Variants in CSMD1 observed in about 807,000 individuals in gnomAD.
CSMD1 encodes the protein CUB and sushi domain-containing protein 1.
Under a neutral mutation model 417.5 loss-of-function variants are expected in CSMD1, and 213 were observed. That is an observed-to-expected ratio of 0.51 (90% CI 0.46 to 0.57). The LOEUF (loss-of-function observed/expected upper bound fraction) is 0.57. CSMD1 is among the 20% of genes least tolerant of loss of function. CSMD1 has a pLI of 0.00. For synonymous variants in CSMD1, 2,862 were observed against 1,736.8 expected, an observed-to-expected ratio of 1.65 and a Z score of -16.11; for missense variants, 6,923 against 4,529.7, an observed-to-expected ratio of 1.53 and a Z score of -15.17.
chr8:3,709,709 T>TTTTTTTTTTTTTTTTTTTTTG (rs1554518391), intron 6 of CSMD1, among the ~76,000 whole-genome samples: 1 of 129,510 alleles, frequency 7.7e-6, no homozygotes, highest in Non-Finnish European at 1.6e-5. Context: ...TTTTTTTTTT[T>TTTTTTTTTTTTTTTTTTTTTG]CCCTGCTTTC....
At chr8:3,019,214 C>G (rs770192905) in intron 51 of CSMD1, among the ~76,000 whole-genome samples, 1 of 152,062 alleles carries the variant, frequency 6.6e-6, no homozygotes, top group Non-Finnish European at 1.5e-5. Context: ...CACTGTGCCT[C>G]GACCCATTAA....
At chr8:4,348,418 G>T (rs940431600) in intron 3 of CSMD1, among the ~76,000 whole-genome samples, 1 of 151,976 alleles carries the variant, frequency 6.6e-6, no homozygotes. Context: ...AAGTGATTCT[G>T]TATTTTTAAA....
At chr8:4,800,615 G>A (rs960422858) in intron 1 of CSMD1, among the ~76,000 whole-genome samples, 10 of 152,354 alleles carry the variant, frequency 6.6e-5, no homozygotes, top group Middle Eastern at 3.4e-3. Context: ...AAGGGGTAGA[G>A]TCACAGACCC....
chr8:3,383,444 T>C (rs1158666824), intron 18 of CSMD1, among the ~76,000 whole-genome samples: 1 of 150,916 alleles, frequency 6.6e-6, no homozygotes, highest in Non-Finnish European at 1.5e-5. Flanking sequence ...GAGGGAAGCC[T>C]TCTTCCACAC....
intron 5 of CSMD1, among the ~76,000 whole-genome samples, chr8:3,840,112 A>G (rs1803024505): frequency 6.6e-6 from 1 of 152,184 alleles, no homozygotes; most frequent in Non-Finnish European, 1.5e-5. Flanking sequence ...TAATTGTTAA[A>G]AAGACCTATT....
chr8:3,402,871 T>C (rs1424051083), intron 15 of CSMD1, among the ~76,000 whole-genome samples: 1 of 152,104 alleles, frequency 6.6e-6, no homozygotes, highest in Non-Finnish European at 1.5e-5. Flanking sequence ...AATTTCTTTA[T>C]TTTTTGATCA....
intron 3 of CSMD1, among the ~76,000 whole-genome samples, chr8:4,111,069 A>C (rs1801828365): frequency 6.6e-6 from 1 of 152,152 alleles, no homozygotes; most frequent in Admixed American, 6.5e-5. Context: ...CGCATGGAAA[A>C]ATCTGGTAGA....
chr8:4,490,181 C>G (rs1801631682), intron 2 of CSMD1, among the ~76,000 whole-genome samples: 1 of 151,886 alleles, frequency 6.6e-6, no homozygotes, highest in Admixed American at 6.6e-5. Context: ...GCTGGGATTA[C>G]AGGTGCCCGC....
chr8:3,562,765 T>C (rs560519203), intron 10 of CSMD1, among the ~76,000 whole-genome samples: 41 of 152,050 alleles, frequency 2.7e-4, no homozygotes, highest in African/African-American at 7.7e-4. Flanking sequence ...ACGGAGCCTA[T>C]TGGAGGGTGG....
At chr8:3,408,405 C>G (rs367990733) in intron 13 of CSMD1, among the ~76,000 whole-genome samples, 180 bp from the exon 14 acceptor site, 19 of 152,164 alleles carry the variant, frequency 1.2e-4, no homozygotes, top group Admixed American at 6.5e-4. Context: ...ATTTGTAAGT[C>G]GAATATTTCA....
chr8:4,268,719 C>G (rs986991746), intron 3 of CSMD1, among the ~76,000 whole-genome samples: 12 of 151,476 alleles, frequency 7.9e-5, no homozygotes, highest in African/African-American at 2.2e-4. Flanking sequence ...AGTAACATAA[C>G]CAAATACCCC....
chr8:4,393,348 T>G (rs1040426637), intron 3 of CSMD1, among the ~76,000 whole-genome samples: 4 of 152,144 alleles, frequency 2.6e-5, no homozygotes, highest in African/African-American at 9.6e-5. Context: ...AGAAAAATCA[T>G]TTTCTAAATT....
At chr8:4,259,016 G>A (rs1304434382) in intron 3 of CSMD1, among the ~76,000 whole-genome samples, 3 of 152,162 alleles carry the variant, frequency 2.0e-5, no homozygotes, top group African/African-American at 4.8e-5. Context: ...GACGTTTGTT[G>A]GAAATGTTGA....
At chr8:4,003,832 G>A (rs1229789069) in intron 4 of CSMD1, among the ~76,000 whole-genome samples, 1 of 119,644 alleles carries the variant, frequency 8.4e-6, no homozygotes, top group African/African-American at 3.1e-5. Context: ...TTCTACCAAG[G>A]TCATTATGTG....
At chr8:4,003,837 T>C (rs558386436) in intron 4 of CSMD1, among the ~76,000 whole-genome samples, 1 of 101,552 alleles carries the variant, frequency 9.8e-6, no homozygotes, top group East Asian at 3.2e-4. Context: ...CCAAGGTCAT[T>C]ATGTGAACTA....
intron 25 of CSMD1, among the ~76,000 whole-genome samples, chr8:3,307,405 G>T (rs564812471): frequency 1.4e-5 from 1 of 70,740 alleles, no homozygotes; most frequent in Non-Finnish European, 3.1e-5. Context: ...GGCAACCCAC[G>T]AAGTCATGAT....
chr8:4,207,147 G>C (rs1446196540), intron 3 of CSMD1, among the ~76,000 whole-genome samples: 1 of 152,048 alleles, frequency 6.6e-6, no homozygotes, highest in African/African-American at 2.4e-5. Context: ...GTAAAAATAG[G>C]ATAATTTATA....
In CSMD1 at chr8:2,978,745, C is replaced by T. The variant is rs754746563; in HGVS notation, c.8433G>A (p.Gln2811=). The T allele has an allele frequency of 1.2e-6, 2 of 1,613,496 alleles. No individual in the cohort carries two copies. Among genetic ancestry groups the T allele is most frequent in the African/African-American group, 2.7e-5 (2 of 74,928 alleles). Residue 2811 remains glutamine (Q), a synonymous_variant, in exon 55 of 70, where the codon CAG becomes CAA. Transcript: ENST00000635120. ...CATACTCAAAACTCTCAGGGAAGTT[C>T]TGTTGCCCGTGACGAATGGCATTTT... is the stretch of plus-strand genomic sequence containing the variant. The part of the protein sequence containing the change: ...FVENAIRHGQ[Q]NFPESFEYGM...
chr8:3,815,134 A>G (rs996978115), intron 5 of CSMD1, among the ~76,000 whole-genome samples: 3 of 152,202 alleles, frequency 2.0e-5, no homozygotes, highest in South Asian at 2.1e-4. Context: ...TATTTTGCTT[A>G]GTATTTCTCC....
Sources: allele counts gnomAD v4.1 joint callset (sites outside exome capture counted in the v4.1 genomes callset), GRCh38; gene constraint gnomAD v4.1.1; transcripts MANE v1.5; gene names NCBI Gene and HGNC (gene_info 2026-07-23, HGNC 2026-07-21).